The following SRFBP1 variants were observed in gnomAD, a reference collection of about 807,000 sequenced individuals.
SRFBP1 encodes serum response factor binding protein 1.
SRFBP1 carries 47 observed loss-of-function variants against 45.5 expected under a neutral mutation model. The ratio of observed to expected loss-of-function variants is 1.03; its 90% CI spans 0.82 to 1.32. The LOEUF (loss-of-function observed/expected upper bound fraction) is 1.32, where lower values mean the gene tolerates loss of function less well. Among genes scored for constraint, SRFBP1 ranks in the 40% most tolerant of loss-of-function variants. The pLI is 0.00. For missense variants in SRFBP1, 621 were observed against 484.6 expected, an observed-to-expected ratio of 1.28 and a Z score of -2.64; for synonymous variants, 203 against 166.3, an observed-to-expected ratio of 1.22 and a Z score of -1.70.
intron 4 of SRFBP1, among the ~76,000 whole-genome samples, chr5:122,004,255 G>T (rs1752936295): frequency 6.6e-6 from 1 of 152,176 alleles, no homozygotes; most frequent in South Asian, 2.1e-4. Flanking sequence ...CAGTTTTACA[G>T]TTTCCAGCCT....
intron 4 of SRFBP1, among the ~76,000 whole-genome samples, chr5:122,010,462 T>C (rs1460665852): frequency 6.6e-6 from 1 of 152,142 alleles, no homozygotes; most frequent in Non-Finnish European, 1.5e-5. Flanking sequence ...TCACTGTCAC[T>C]TAAAAGCAGA....
intron 2 of SRFBP1, among the ~76,000 whole-genome samples, chr5:122,042,040 A>G (rs1753781821): frequency 6.6e-6 from 1 of 152,186 alleles, no homozygotes; most frequent in African/African-American, 2.4e-5. Context: ...TTAAACATTT[A>G]TGAAAATGAA....
intron 4 of SRFBP1, among the ~76,000 whole-genome samples, chr5:122,003,976 C>A (rs958117439): frequency 6.6e-6 from 1 of 151,936 alleles, no homozygotes; most frequent in Non-Finnish European, 1.5e-5. Context: ...GCTCTGTCAC[C>A]CACACTGGAG....
At chr5:121,965,808 C>T (rs987123717) in intron 1 of SRFBP1, among the ~76,000 whole-genome samples, 5 of 152,134 alleles carry the variant, frequency 3.3e-5, no homozygotes, top group Non-Finnish European at 5.9e-5. Context: ...GATATTGATT[C>T]TTCCTATCTA....
In SRFBP1 at chr5:122,005,806, A is replaced by G. The variant is rs183271018; in HGVS notation, c.270+11136A>G. Among the ~76,000 whole-genome samples, 43 of 152,178 alleles carry G rather than the reference A, an allele frequency of 2.8e-4. No individual in the cohort carries two copies. In the Middle Eastern group the frequency reaches 0.01, roughly 36 times the overall value. ...CTTTGATCATATTTAAAAACTGTAT[A>G]CTTTTATTCCTCCTCCTCCTGCATT... On this transcript the variant is annotated intron_variant, in intron 4 of 7. Coordinates refer to ENST00000339397, the MANE Select transcript of SRFBP1 (RefSeq NM_152546.3).
chr5:122,034,043 C>T (rs79279526), intron 2 of SRFBP1, among the ~76,000 whole-genome samples: 17,817 of 151,846 alleles, frequency 0.12, 1,136 homozygotes, highest in Non-Finnish European at 0.14. Context: ...AGGCTGGTCT[C>T]GAACTCCTGA....
intron 1 of SRFBP1, among the ~76,000 whole-genome samples, chr5:121,968,164 G>A (rs1296463572): frequency 6.6e-6 from 1 of 151,520 alleles, no homozygotes; most frequent in Admixed American, 6.6e-5. Context: ...ATCCATGGGG[G>A]TTATGTTCCA....
At chr5:121,964,883 T>C (rs527671466) in intron 1 of SRFBP1, among the ~76,000 whole-genome samples, 1 of 152,306 alleles carries the variant, frequency 6.6e-6, no homozygotes, top group East Asian at 1.9e-4. Flanking sequence ...ATGATCGCCA[T>C]TCTAACTGGC....
At chr5:122,047,630 C>T (rs1478247321) in intron 2 of SRFBP1, among the ~76,000 whole-genome samples, 569 of 152,200 alleles carry the variant, frequency 3.7e-3, no homozygotes, top group Non-Finnish European at 6.2e-3. Context: ...CTATAAATTA[C>T]CTTGGGCAGT....
chr5:122,035,354 C>T (rs1753676015), intron 2 of SRFBP1, among the ~76,000 whole-genome samples: 1 of 152,170 alleles, frequency 6.6e-6, no homozygotes. Context: ...CCCCTTATGT[C>T]AGCAGCTCTC....
chr5:122,000,757 C>T (rs1173630747), intron 4 of SRFBP1, among the ~76,000 whole-genome samples: 4 of 151,742 alleles, frequency 2.6e-5, no homozygotes, highest in African/African-American at 4.8e-5. Context: ...TTGTTTTTTG[C>T]TCTTTCTGGT....
intron 3 of SRFBP1, among the ~76,000 whole-genome samples, chr5:121,979,420 C>T (rs922413043): frequency 3.9e-5 from 6 of 152,204 alleles, no homozygotes; most frequent in South Asian, 2.1e-4. Context: ...CAAGTTTCTC[C>T]GTAGGGTAAA....
At chr5:121,987,239 G>A (rs1752536225) in intron 3 of SRFBP1, among the ~76,000 whole-genome samples, 1 of 152,068 alleles carries the variant, frequency 6.6e-6, no homozygotes, top group Non-Finnish European at 1.5e-5. Flanking sequence ...CATAACAGAA[G>A]CATAGTGAAG....
downstream of SRFBP1, among the ~76,000 whole-genome samples, chr5:122,031,941 A>G (rs1048485919): frequency 6.6e-6 from 1 of 152,230 alleles, no homozygotes; most frequent in African/African-American, 2.4e-5. Context: ...TAGAGACTGA[A>G]AATACATCAG....
At chr5:122,007,442 T>C (rs950144885) in intron 4 of SRFBP1, among the ~76,000 whole-genome samples, 3 of 151,916 alleles carry the variant, frequency 2.0e-5, no homozygotes, top group Non-Finnish European at 4.4e-5. Context: ...AAACTTAATA[T>C]TGCTGGTGCT....
intron 1 of SRFBP1, among the ~76,000 whole-genome samples, chr5:121,965,037 G>GTTGT (rs1752034595): frequency 2.0e-5 from 3 of 151,416 alleles, no homozygotes; most frequent in East Asian, 1.9e-4. Flanking sequence ...TTTTGATGGG[G>GTTGT]TTGTTTTTTT....
In SRFBP1 at chr5:122,020,178, C is replaced by T. The variant is rs1050937438; in HGVS notation, c.443C>T (p.Thr148Ile). 2.5e-6 allele frequency: 4 copies of T among 1,610,842 alleles called. No individual in the cohort carries two copies. The highest frequency in any genetic ancestry group is 1.7e-5 in the Admixed American group (1 of 59,330). The change falls in exon 6 of 8, where the codon ACT becomes ATT. Residue 148 changes from threonine (T) to isoleucine (I), a missense_variant. Physicochemically the swap from Thr to Ile is moderately conservative, Grantham distance 89. Coordinates refer to ENST00000339397, the MANE Select transcript of SRFBP1 (RefSeq NM_152546.3). ...TCAGAGGACAATCATTCTGAGAATA[C>T]TTTGTATTCAAATGATAATGGAAGT... Reference protein sequence around the residue: ...NASEDNHSENTLYSNDNGSNL... With the variant: ...NASEDNHSENILYSNDNGSNL...
chr5:122,024,949 T>C (rs1189600383), intron 7 of SRFBP1, among the ~76,000 whole-genome samples: 2 of 152,114 alleles, frequency 1.3e-5, no homozygotes, highest in African/African-American at 4.8e-5. Context: ...TTTTGTTTTG[T>C]TTTGTTTTTT....
intron 3 of SRFBP1, among the ~76,000 whole-genome samples, chr5:121,979,506 T>C (rs946517276): frequency 1.3e-5 from 2 of 152,240 alleles, no homozygotes; most frequent in African/African-American, 4.8e-5. Context: ...TGTTCATTTA[T>C]TCTATGAAAG....
Sources: gnomAD v4.1 joint callset for allele counts (sites outside exome capture counted in the v4.1 genomes callset) on GRCh38, gnomAD v4.1.1 for gene constraint, MANE v1.5 for transcripts, NCBI Gene and HGNC (gene_info 2026-07-23, HGNC 2026-07-21) for gene names.